Variants in BNC2 observed in about 807,000 individuals in gnomAD.
The protein encoded by BNC2 is basonuclin zinc finger protein 2.
In BNC2, 20 loss-of-function variants were observed where a neutral mutation model predicts 76.3. The observed-to-expected ratio is 0.26, with a 90% confidence interval of 0.18 to 0.38. The LOEUF is 0.38. BNC2 is among the 10% of genes least tolerant of loss of function. BNC2 has a pLI of 1.00. For synonymous variants in BNC2, 582 were observed against 514.8 expected (o/e 1.13, Z -1.77); for missense variants, 1,382 against 1,399.8 (o/e 0.99, Z 0.20).
At chr9:16,459,660 C>G (rs1821531895) in intron 5 of BNC2, among the ~76,000 whole-genome samples, 1 of 152,166 alleles carries the variant, frequency 6.6e-6, no homozygotes, top group African/African-American at 2.4e-5. Context: ...AGCATGCAAA[C>G]AGCAGCTGCA....
intron 3 of BNC2, among the ~76,000 whole-genome samples, chr9:16,690,827 G>C (rs190671276): frequency 1.0e-3 from 154 of 152,326 alleles, no homozygotes; most frequent in African/African-American, 3.3e-3. Flanking sequence ...CAGGTTGAAA[G>C]ACACAGAAGG....
At chr9:16,575,516 C>T in intron 4 of BNC2, 1 of 857,068 alleles carries the variant, frequency 1.2e-6, no homozygotes, top group South Asian at 5.4e-5. Flanking sequence ...GTGCAAAGCA[C>T]CATCCAAAAA....
At chr9:16,728,108 G>C in intron 2 of BNC2, 111 bp from the exon 3 acceptor site, 1 of 693,748 alleles carries the variant, frequency 1.4e-6, no homozygotes, top group South Asian at 1.4e-5. Context: ...GGGAGATTTG[G>C]GGGAGGGAGG....
chr9:16,710,123 TAAA>T (rs35708054), intron 3 of BNC2, among the ~76,000 whole-genome samples: 2 of 149,138 alleles, frequency 1.3e-5, no homozygotes, highest in Non-Finnish European at 3.0e-5. Context: ...GTTCAACATT[TAAA>T]AAAAAAAAAA....
chr9:16,637,959 C>T (rs886503452), intron 3 of BNC2, among the ~76,000 whole-genome samples: 1 of 152,174 alleles, frequency 6.6e-6, no homozygotes, highest in Admixed American at 6.5e-5. Context: ...TGCAAAAAAT[C>T]AGAAATATAC....
chr9:16,721,856 T>C (rs1248522302), intron 3 of BNC2, among the ~76,000 whole-genome samples: 1 of 152,108 alleles, frequency 6.6e-6, no homozygotes, highest in Non-Finnish European at 1.5e-5. Flanking sequence ...AACACTAAGG[T>C]TCAAATTATA....
chr9:16,794,900 GAA>G (rs34778689), intron 1 of BNC2, among the ~76,000 whole-genome samples: 3 of 149,214 alleles, frequency 2.0e-5, no homozygotes, highest in African/African-American at 2.4e-5. Context: ...TCTGATGGGG[GAA>G]AAAAAAAACC....
intron 1 of BNC2, among the ~76,000 whole-genome samples, chr9:16,861,248 G>A (rs1426218097): frequency 1.3e-5 from 2 of 149,050 alleles, no homozygotes; most frequent in African/African-American, 2.5e-5. Flanking sequence ...CAATTACTAC[G>A]GAGGCTGAAG....
chr9:16,470,879 C>G (rs1231663034), intron 5 of BNC2, among the ~76,000 whole-genome samples: 1 of 152,262 alleles, frequency 6.6e-6, no homozygotes, highest in Non-Finnish European at 1.5e-5. Flanking sequence ...AGACCCCACA[C>G]AGAGTCCCTG....
intron 2 of BNC2, among the ~76,000 whole-genome samples, chr9:16,733,246 C>T (rs898847218): frequency 6.6e-6 from 1 of 152,096 alleles, no homozygotes; most frequent in Non-Finnish European, 1.5e-5. Context: ...TAAAGGAAAC[C>T]TCTTCTGAAA....
chr9:16,441,201 G>T (rs1587030184), intron 5 of BNC2, among the ~76,000 whole-genome samples: 2 of 152,182 alleles, frequency 1.3e-5, no homozygotes, highest in Admixed American at 1.3e-4. Flanking sequence ...CTACTTGGGA[G>T]TTTGAGGTGG....
chr9:16,750,497 C>G (rs556850490), intron 1 of BNC2, among the ~76,000 whole-genome samples: 11 of 152,322 alleles, frequency 7.2e-5, no homozygotes, highest in African/African-American at 2.4e-4. Flanking sequence ...ATCATCTATA[C>G]ATTTGACCAG....
intron 3 of BNC2, among the ~76,000 whole-genome samples, chr9:16,674,842 G>C (rs1236403601): frequency 6.6e-6 from 1 of 152,190 alleles, no homozygotes; most frequent in Non-Finnish European, 1.5e-5. Flanking sequence ...ATGAACAGTA[G>C]AGATTTACAC....
At chr9:16,831,472 A>G (rs1459280958) in intron 1 of BNC2, among the ~76,000 whole-genome samples, 1 of 152,242 alleles carries the variant, frequency 6.6e-6, no homozygotes, top group Non-Finnish European at 1.5e-5. Context: ...ACTTGCAGCT[A>G]ACTTTTATGA....
At chr9:16,420,446 A>T (rs949310560) in intron 6 of BNC2, among the ~76,000 whole-genome samples, 1 of 150,910 alleles carries the variant, frequency 6.6e-6, no homozygotes, top group African/African-American at 2.5e-5. Context: ...ACAAAAACGG[A>T]AAAACAGAAA....
chr9:16,610,235 C>T (rs1408120094), intron 3 of BNC2, among the ~76,000 whole-genome samples: 10 of 152,178 alleles, frequency 6.6e-5, no homozygotes, highest in Admixed American at 4.6e-4. Context: ...TTGCTGAATC[C>T]GAAGCATTTT....
At chr9:16,490,103 C>T (rs55798751) in intron 5 of BNC2, among the ~76,000 whole-genome samples, 2 of 152,150 alleles carry the variant, frequency 1.3e-5, no homozygotes, top group Admixed American at 6.6e-5. Context: ...AGACCTTTCT[C>T]CCCATTGTTA....
At chr9:16,655,168 G>A (rs750293799) in intron 3 of BNC2, among the ~76,000 whole-genome samples, 1 of 151,382 alleles carries the variant, frequency 6.6e-6, no homozygotes, top group East Asian at 1.9e-4. Context: ...AAGTAAAGGA[G>A]GAAAAAACTG....
intron 3 of BNC2, among the ~76,000 whole-genome samples, chr9:16,696,774 C>G (rs567206791): frequency 2.6e-5 from 4 of 152,090 alleles, no homozygotes; most frequent in Non-Finnish European, 5.9e-5. Context: ...CCAGCAGATC[C>G]TCAACAAATA....
Sources: gnomAD v4.1 joint callset for allele counts (sites outside exome capture counted in the v4.1 genomes callset) on GRCh38, gnomAD v4.1.1 for gene constraint, MANE v1.5 for transcripts, NCBI Gene and HGNC (gene_info 2026-07-23, HGNC 2026-07-21) for gene names.